PPP3CC: variants seen among roughly 807,000 people sequenced by gnomAD.
PPP3CC encodes the protein serine/threonine-protein phosphatase 2B catalytic subunit gamma isoform.
A neutral mutation model predicts 60.3 loss-of-function variants in PPP3CC; 35 were observed. The observed-to-expected ratio is 0.58, with a 90% CI of 0.44 to 0.77. PPP3CC has a LOEUF of 0.77. Ranked by LOEUF, PPP3CC falls within the 30% of genes least tolerant of loss-of-function variation. The pLI is 0.00. For synonymous variants in PPP3CC, 206 were observed against 224.3 expected (o/e 0.92, Z 0.73); for missense variants, 570 against 628.9 (o/e 0.91, Z 1.00).
chr8:22,506,072 TTAAG>T (rs1838908351), intron 4 of PPP3CC, among the ~76,000 whole-genome samples: 1 of 151,974 alleles, frequency 6.6e-6, no homozygotes. Context: ...CCCTCCATTT[TTAAG>T]TAAGTCTCAG....
At chr8:22,524,423 A>G (rs1441724284) in intron 8 of PPP3CC, among the ~76,000 whole-genome samples, 1 of 152,020 alleles carries the variant, frequency 6.6e-6, no homozygotes, top group African/African-American at 2.4e-5. Context: ...CTTTAACTTA[A>G]GTTCTGTCCT....
At chr8:22,442,162 A>T (rs1282895044) in intron 1 of PPP3CC, among the ~76,000 whole-genome samples, 1 of 152,248 alleles carries the variant, frequency 6.6e-6, no homozygotes, top group African/African-American at 2.4e-5. Context: ...TTTAGGTTAT[A>T]GTTGTTTCTC....
chr8:22,492,390 A>G (rs1838431953), intron 3 of PPP3CC, among the ~76,000 whole-genome samples: 2 of 152,210 alleles, frequency 1.3e-5, no homozygotes, highest in South Asian at 2.1e-4. Flanking sequence ...GATGCTTTAT[A>G]AACACTGTAC....
At position 22,525,558 on chromosome 8, in the gene PPP3CC, CTTTCTT is replaced by C. The variant is rs1290691647; in HGVS notation, c.944-1832_944-1827del. ...TCTTTCTCTCCCTCTCTCTCTCTCT[CTTTCTT>C]TCTCTCTCTCTCTCTTTCTCTCGGT... On this transcript the variant is annotated intron_variant, in intron 8 of 13. Coordinates refer to ENST00000240139, the MANE Select transcript of PPP3CC (RefSeq NM_005605.5). Among the ~76,000 whole-genome samples, 591 of 139,128 alleles carry C rather than the reference CTTTCTT, an allele frequency of 4.2e-3. 5 individuals are homozygous for C. The highest frequency in any genetic ancestry group is 0.015 in the African/African-American group (558 of 36,618). The allele number at this position is 139,128 out of a possible 152,430, so 91.3% of individuals were successfully genotyped here. A position where few individuals can be genotyped will look rare whatever the true frequency, so the allele number is the denominator to read the frequency against.
At chr8:22,495,643 C>T (rs1380826453) in intron 3 of PPP3CC, among the ~76,000 whole-genome samples, 1 of 152,124 alleles carries the variant, frequency 6.6e-6, no homozygotes, top group Non-Finnish European at 1.5e-5. Context: ...ACTTCAACCT[C>T]TACCTCCCAG....
At chr8:22,477,482 A>AAAGAAAG (rs36057176) in intron 3 of PPP3CC, among the ~76,000 whole-genome samples, 3,502 of 145,994 alleles carry the variant, frequency 0.024, 64 homozygotes, top group South Asian at 0.037. Flanking sequence ...TCAAAAAAAA[A>AAAGAAAG]AAAGAAAGAA....
At chr8:22,530,065 C>G (rs2117141042) in intron 10 of PPP3CC, among the ~76,000 whole-genome samples, 1 of 152,244 alleles carries the variant, frequency 6.6e-6, no homozygotes, top group African/African-American at 2.4e-5. Flanking sequence ...CTTTGGGAAT[C>G]TAGAGGAAAT....
chr8:22,460,947 G>GT (rs1458443004), intron 1 of PPP3CC, among the ~76,000 whole-genome samples: 6 of 152,234 alleles, frequency 3.9e-5, no homozygotes, highest in African/African-American at 1.4e-4. Flanking sequence ...CCAGGTTCAA[G>GT]TGATTCTCCT....
intron 1 of PPP3CC, among the ~76,000 whole-genome samples, chr8:22,458,504 A>G (rs1201985160): frequency 6.6e-6 from 1 of 152,104 alleles, no homozygotes; most frequent in Non-Finnish European, 1.5e-5. Flanking sequence ...AGGCTGAGAC[A>G]GGAGAATTGC....
chr8:22,527,566 T>A, intron 9 of PPP3CC, 49 bp downstream of exon 9: 1 of 1,579,710 alleles, frequency 6.3e-7, no homozygotes, highest in Non-Finnish European at 8.6e-7. Flanking sequence ...TGACTGAGCA[T>A]ACCTTATATT....
At chr8:22,539,650 G>T in intron 13 of PPP3CC, 152 bp downstream of exon 13, 1 of 780,932 alleles carries the variant, frequency 1.3e-6, no homozygotes, top group Non-Finnish European at 2.0e-6. Context: ...TAACGAAGCA[G>T]GTGTTTCCTT....
intron 4 of PPP3CC, among the ~76,000 whole-genome samples, chr8:22,500,610 C>T (rs1838733947): frequency 6.6e-6 from 1 of 152,116 alleles, no homozygotes; most frequent in Admixed American, 6.5e-5. Flanking sequence ...ATTCTTGCTA[C>T]CAGTATCTTC....
chr8:22,468,718 C>T (rs1837622899), intron 1 of PPP3CC, among the ~76,000 whole-genome samples: 1 of 152,086 alleles, frequency 6.6e-6, no homozygotes, highest in African/African-American at 2.4e-5. Context: ...AAAATGGACT[C>T]TGATTTAAAG....
At chr8:22,502,289 TAAC>T (rs1029259036) in intron 4 of PPP3CC, among the ~76,000 whole-genome samples, 3 of 152,052 alleles carry the variant, frequency 2.0e-5, no homozygotes, top group East Asian at 1.9e-4. Context: ...GTGTTAATTG[TAAC>T]AACAACAACA....
chr8:22,450,891 A>G (rs1394755618), intron 1 of PPP3CC, among the ~76,000 whole-genome samples: 1 of 151,152 alleles, frequency 6.6e-6, no homozygotes, highest in Non-Finnish European at 1.5e-5. Context: ...GCTAGAGTGC[A>G]GTGGCGCCAC....
rs752159375 is a variant in PPP3CC, at chr8:22,522,448, T to C, written c.771-43T>C. On this transcript the variant is annotated intron_variant, in intron 6 of 13. Coordinates refer to ENST00000240139, the MANE Select transcript of PPP3CC (RefSeq NM_005605.5). The stretch of plus-strand genomic sequence containing the variant: ...TTCCCCATCTTCCTATTAAAAAAAA[T>C]TGTTTTAATTCTGGATTTATGTTTT... The C allele has an allele frequency of 2.0e-6, 3 of 1,490,010 alleles. No individual in the cohort carries two copies. The South Asian group carries it at 3.6e-5, about 18-fold the overall frequency. The allele number at this position is 1,490,010 out of a possible 1,614,324, so 92.3% of individuals were successfully genotyped here.
At chr8:22,445,988 A>G (rs149856913) in intron 1 of PPP3CC, among the ~76,000 whole-genome samples, 67 of 152,308 alleles carry the variant, frequency 4.4e-4, no homozygotes, top group African/African-American at 1.3e-3. Flanking sequence ...TTTCTTACCT[A>G]TACGTTATTG....
chr8:22,490,440 A>G (rs1838366241), intron 3 of PPP3CC, among the ~76,000 whole-genome samples: 1 of 151,308 alleles, frequency 6.6e-6, no homozygotes, highest in Non-Finnish European at 1.5e-5. Context: ...TTCACTTACC[A>G]CTTTTTTTAT....
At chr8:22,533,178 A>C (rs1418734652) in intron 12 of PPP3CC, among the ~76,000 whole-genome samples, 160 bp downstream of exon 12, 1 of 152,258 alleles carries the variant, frequency 6.6e-6, no homozygotes, top group Non-Finnish European at 1.5e-5. Flanking sequence ...TCCATACAGA[A>C]AACCTAAATC....
Sources: gnomAD v4.1 joint callset for allele counts (sites outside exome capture counted in the v4.1 genomes callset) on GRCh38, gnomAD v4.1.1 for gene constraint, MANE v1.5 for transcripts, NCBI Gene and HGNC (gene_info 2026-07-23, HGNC 2026-07-21) for gene names.